The following BCAS1 variants were observed in gnomAD, a reference collection of about 807,000 sequenced individuals.
BCAS1 encodes the protein brain enriched myelin associated protein 1.
BCAS1 carries 46 observed loss-of-function variants against 65.4 expected under a neutral mutation model. The observed-to-expected ratio is 0.70, with a 90% CI of 0.55 to 0.90. The LOEUF is 0.90. BCAS1 is among the 40% of genes least tolerant of loss of function. The probability of loss-of-function intolerance (pLI) is 0.00; values close to 1 mark genes in which losing one functional copy is unlikely to be tolerated. For missense variants in BCAS1, 793 were observed against 771.2 expected, an observed-to-expected ratio of 1.03 and a Z score of -0.33; for synonymous variants, 298 against 293.5, an observed-to-expected ratio of 1.02 and a Z score of -0.16.
Position 54,028,834 on chromosome 20 carries a change from C to G in BCAS1, c.281G>C (p.Arg94Pro). 2 of 1,614,040 alleles carry G rather than the reference C, an allele frequency of 1.2e-6. No homozygotes were observed. The highest frequency in any genetic ancestry group is 1.7e-6 in the Non-Finnish European group (2 of 1,180,010). Reference protein sequence around the residue: ...AKPEAPAAKSRFFLMLSRPVP... With the variant: ...AKPEAPAAKSPFFLMLSRPVP... The stretch of plus-strand genomic sequence containing the variant: ...AGGCCGAGAGAGCATCAAGAAAAAA[C>G]GAGATTTAGCAGCTGGTGCCTCGGG... The change falls in exon 4 of 13, where the codon CGT (arginine) becomes CCT (proline). Residue 94 changes from arginine to proline, a missense_variant. Transcript: ENST00000688948.
chr20:54,008,094 T>C (rs545839694), intron 4 of BCAS1, among the ~76,000 whole-genome samples: 39 of 152,348 alleles, frequency 2.6e-4, no homozygotes, highest in African/African-American at 8.9e-4. Context: ...AGAAAACTTT[T>C]AGACAATGAC....
At chr20:53,949,202 CCG>C (rs66819362) in intron 12 of BCAS1, among the ~76,000 whole-genome samples, 26,464 of 135,108 alleles carry the variant, frequency 0.2, 2,976 homozygotes, top group East Asian at 0.39. Context: ...ATGCATATAT[CCG>C]CACACACACA....
intron 3 of BCAS1, among the ~76,000 whole-genome samples, chr20:54,055,595 G>A (rs1001534832): frequency 6.6e-6 from 1 of 152,118 alleles, no homozygotes; most frequent in African/African-American, 2.4e-5. Flanking sequence ...TGAGATTTGG[G>A]TGGGGACACA....
chr20:54,017,239 G>A (rs996609589), intron 4 of BCAS1, among the ~76,000 whole-genome samples: 6 of 152,096 alleles, frequency 3.9e-5, no homozygotes, highest in African/African-American at 1.4e-4. Flanking sequence ...GTCAACTTGA[G>A]TTCCAATGGC....
Position 53,966,922 on chromosome 20 carries a change from G to A in BCAS1, c.1469C>T (p.Ala490Val), listed in dbSNP as rs753600225. Residue 490 changes from alanine (A) to valine (V), a missense_variant, in exon 10 of 13, where the codon GCG becomes GTG. By Grantham distance (64) the Ala-to-Val change is moderately conservative. Coordinates refer to ENST00000688948, the MANE Select transcript of BCAS1 (RefSeq NM_001366298.2). The part of the protein sequence containing the change: ...EESKPRTSLM[A>V]FLRQMSVKGD... ...GGGGCTTACCATTTGTCTGAGAAAC[G>A]CCATCAGAGAGGTTCTTGGTTTGCT... 205 of 1,608,194 alleles carry A rather than the reference G, an allele frequency of 1.3e-4. No individual in the cohort carries two copies. The highest frequency in any genetic ancestry group is 1.7e-4 in the Non-Finnish European group (195 of 1,178,336).
At chr20:54,041,460 C>G (rs2091989873) in intron 3 of BCAS1, among the ~76,000 whole-genome samples, 1 of 140,952 alleles carries the variant, frequency 7.1e-6, no homozygotes, top group Non-Finnish European at 1.6e-5. Context: ...AGCTTTTAAG[C>G]AGAAGAAAAG....
At chr20:54,040,473 C>A (rs893346985) in intron 3 of BCAS1, among the ~76,000 whole-genome samples, 1 of 151,210 alleles carries the variant, frequency 6.6e-6, no homozygotes, top group Non-Finnish European at 1.5e-5. Flanking sequence ...TACTTTGAGA[C>A]TCTGGAAAAA....
At chr20:53,946,888 A>G (rs2089341911) in intron 12 of BCAS1, among the ~76,000 whole-genome samples, 1 of 151,988 alleles carries the variant, frequency 6.6e-6, no homozygotes, top group Non-Finnish European at 1.5e-5. Context: ...TAGAATATAC[A>G]TGATATCGTA....
At chr20:54,036,216 A>G (rs1437578396) in intron 3 of BCAS1, among the ~76,000 whole-genome samples, 24 of 151,180 alleles carry the variant, frequency 1.6e-4, no homozygotes, top group Admixed American at 1.5e-3. Flanking sequence ...CTGCCCGTGT[A>G]CCCCTGAACT....
intron 8 of BCAS1, among the ~76,000 whole-genome samples, chr20:53,976,533 A>G (rs2145709657): frequency 6.6e-6 from 1 of 152,238 alleles, no homozygotes; most frequent in African/African-American, 2.4e-5. Flanking sequence ...CACTTAAAGC[A>G]CCCCAAAATG....
intron 7 of BCAS1, among the ~76,000 whole-genome samples, chr20:53,987,287 T>C (rs1013587062): frequency 6.6e-6 from 1 of 152,228 alleles, no homozygotes; most frequent in Non-Finnish European, 1.5e-5. Context: ...ATAGCTCCAG[T>C]TCCATTTAAA....
chr20:53,960,582 C>A (rs867711568), intron 10 of BCAS1, among the ~76,000 whole-genome samples: 1 of 149,790 alleles, frequency 6.7e-6, no homozygotes, highest in Non-Finnish European at 1.5e-5. Context: ...GCAAAGGTGA[C>A]TGAAGTTTGG....
chr20:53,998,738 A>C (rs1302636140), intron 4 of BCAS1, among the ~76,000 whole-genome samples: 1 of 152,220 alleles, frequency 6.6e-6, no homozygotes, highest in Non-Finnish European at 1.5e-5. Flanking sequence ...TCTCTTTCCT[A>C]AGCTAGTATA....
chr20:54,037,031 A>G (rs2091910917), intron 3 of BCAS1, among the ~76,000 whole-genome samples: 1 of 149,422 alleles, frequency 6.7e-6, no homozygotes, highest in Non-Finnish European at 1.5e-5. Flanking sequence ...ACAATATTCA[A>G]AACTTCTGAG....
At chr20:54,044,716 T>A (rs2092065732) in intron 3 of BCAS1, among the ~76,000 whole-genome samples, 1 of 151,392 alleles carries the variant, frequency 6.6e-6, no homozygotes, top group South Asian at 2.1e-4. Context: ...CACGCGCCTG[T>A]AATCTCAGCT....
intron 3 of BCAS1, among the ~76,000 whole-genome samples, chr20:54,039,017 T>C (rs149620337): frequency 4.4e-4 from 66 of 151,376 alleles, no homozygotes; most frequent in African/African-American, 1.5e-3. Context: ...TATTAGAATA[T>C]CAAAAGATTA....
chr20:54,007,991 G>A (rs2091238317), intron 4 of BCAS1, among the ~76,000 whole-genome samples: 1 of 152,134 alleles, frequency 6.6e-6, no homozygotes, highest in African/African-American at 2.4e-5. Flanking sequence ...TTAGCAACCT[G>A]GAAACACCTA....
At position 54,055,650 on chromosome 20, in the gene BCAS1, T is replaced by G. The variant is rs1236921210; in HGVS notation, c.142+2435A>C. On this transcript the variant is annotated intron_variant, in intron 3 of 12. Coordinates refer to ENST00000688948, the MANE Select transcript of BCAS1 (RefSeq NM_001366298.2). ...ACCATATGATTCAGCAATCCACTTCTGGGTATATCTAAAAAAGTGAAAGAA... is the reference window on the plus strand; with the variant it reads ...ACCATATGATTCAGCAATCCACTTCGGGGTATATCTAAAAAAGTGAAAGAA... 2.6e-5 allele frequency among the ~76,000 whole-genome samples: 4 copies of G among 152,134 alleles called. No individual in the cohort carries two copies. In the South Asian group the frequency reaches 8.3e-4, roughly 32 times the overall value.
chr20:53,970,152 C>T (rs117624875), intron 9 of BCAS1, among the ~76,000 whole-genome samples: 3,024 of 152,306 alleles, frequency 0.02, 47 homozygotes, highest in Middle Eastern at 0.051. Flanking sequence ...GATTGTATGG[C>T]AATAACTCTG....
Sources: allele counts gnomAD v4.1 joint callset (sites outside exome capture counted in the v4.1 genomes callset), GRCh38; gene constraint gnomAD v4.1.1; transcripts MANE v1.5; gene names NCBI Gene and HGNC (gene_info 2026-07-23, HGNC 2026-07-21).